The following FHIT variants were observed in gnomAD, a reference collection of about 807,000 sequenced individuals.
FHIT encodes the protein fragile histidine triad diadenosine triphosphatase, also known as bis(5'-adenosyl)-triphosphatase.
A neutral mutation model predicts 17.9 loss-of-function variants in FHIT; 19 were observed. That is an observed-to-expected ratio of 1.06 (90% CI 0.74 to 1.56). The LOEUF is 1.56. Among genes scored for constraint, FHIT ranks in the 40% most tolerant of loss-of-function variants. The pLI, the probability that FHIT is intolerant of heterozygous loss-of-function variation, is 0.00. For missense variants in FHIT, 248 were observed against 189.2 expected, an observed-to-expected ratio of 1.31 and a Z score of -1.82; for synonymous variants, 81 against 69.7, an observed-to-expected ratio of 1.16 and a Z score of -0.81.
chr3:59,766,122 C>CTGTT (rs1215735102), intron 8 of FHIT, among the ~76,000 whole-genome samples: 2 of 152,110 alleles, frequency 1.3e-5, no homozygotes, highest in African/African-American at 2.4e-5. Flanking sequence ...GACTATCATA[C>CTGTT]TGTTAGATGT....
intron 5 of FHIT, among the ~76,000 whole-genome samples, chr3:60,255,948 C>T (rs990589390): frequency 6.6e-6 from 1 of 152,140 alleles, no homozygotes; most frequent in African/African-American, 2.4e-5. Flanking sequence ...GGGATCTCAG[C>T]CCCTAAGTGA....
chr3:60,317,113 T>C (rs1355841369), intron 5 of FHIT, among the ~76,000 whole-genome samples: 4 of 152,180 alleles, frequency 2.6e-5, no homozygotes, highest in East Asian at 3.8e-4. Flanking sequence ...AAGTGAATAA[T>C]GTATTCTTAC....
chr3:60,143,473 T>C (rs1700120468), intron 5 of FHIT, among the ~76,000 whole-genome samples: 1 of 151,978 alleles, frequency 6.6e-6, no homozygotes, highest in Non-Finnish European at 1.5e-5. Flanking sequence ...CTAAGGGAGA[T>C]GAAAAACACA....
intron 7 of FHIT, among the ~76,000 whole-genome samples, chr3:59,951,665 C>T (rs1707123325): frequency 6.6e-6 from 1 of 152,088 alleles, no homozygotes; most frequent in African/African-American, 2.4e-5. Flanking sequence ...TCACACCATA[C>T]CTAAGTTCCA....
chr3:61,179,368 C>T (rs1014550544), intron 2 of FHIT, among the ~76,000 whole-genome samples: 4 of 151,904 alleles, frequency 2.6e-5, no homozygotes, highest in African/African-American at 9.7e-5. Context: ...CAATGTTGAG[C>T]AAAATATGCC....
chr3:59,891,423 G>A (rs915001039), intron 8 of FHIT, among the ~76,000 whole-genome samples: 12 of 152,228 alleles, frequency 7.9e-5, no homozygotes, highest in African/African-American at 2.9e-4. Flanking sequence ...CCATTGCTGG[G>A]TAGAAGAGGA....
chr3:59,802,053 A>C (rs1396962020), intron 8 of FHIT, among the ~76,000 whole-genome samples: 1 of 152,086 alleles, frequency 6.6e-6, no homozygotes, highest in African/African-American at 2.4e-5. Flanking sequence ...TAGTGTATTC[A>C]CCTTGGTGTA....
At chr3:60,583,964 C>G (rs1553660664) in intron 4 of FHIT, among the ~76,000 whole-genome samples, 1 of 152,104 alleles carries the variant, frequency 6.6e-6, no homozygotes, top group Non-Finnish European at 1.5e-5. Context: ...ATTACAGAAT[C>G]TGGAATCTGA....
chr3:60,981,152 G>A (rs1358975097), intron 3 of FHIT, among the ~76,000 whole-genome samples: 1 of 152,220 alleles, frequency 6.6e-6, no homozygotes, highest in East Asian at 1.9e-4. Context: ...ATGCTGGGAT[G>A]TTCCATGCAG....
chr3:60,832,617 C>G (rs573414610), intron 3 of FHIT, among the ~76,000 whole-genome samples: 3 of 151,362 alleles, frequency 2.0e-5, no homozygotes, highest in Non-Finnish European at 4.4e-5. Flanking sequence ...TACGTGGTCA[C>G]AACTATTTTT....
At chr3:61,057,102 A>G (rs1159702233) in intron 2 of FHIT, among the ~76,000 whole-genome samples, 1 of 152,252 alleles carries the variant, frequency 6.6e-6, no homozygotes, top group East Asian at 1.9e-4. Context: ...AACCTTTGAC[A>G]TAACAGACAT....
chr3:60,238,447 C>CAAA (rs374701930), intron 5 of FHIT, among the ~76,000 whole-genome samples: 2,948 of 117,354 alleles, frequency 0.025, 144 homozygotes, highest in Non-Finnish European at 0.031. Flanking sequence ...CTGTACTAAG[C>CAAA]AAAAAAAAAA....
At chr3:60,643,451 A>G (rs186550218) in intron 4 of FHIT, among the ~76,000 whole-genome samples, 2 of 152,332 alleles carry the variant, frequency 1.3e-5, no homozygotes, top group African/African-American at 2.4e-5. Context: ...ACAAAGCAAG[A>G]CTAAGCAAAA....
At chr3:61,078,015 T>A (rs1021845658) in intron 2 of FHIT, among the ~76,000 whole-genome samples, 1 of 152,096 alleles carries the variant, frequency 6.6e-6, no homozygotes, top group Non-Finnish European at 1.5e-5. Flanking sequence ...TTTCTTTAAG[T>A]AGGCACTTTG....
chr3:60,282,645 T>A (rs1246794417), intron 5 of FHIT, among the ~76,000 whole-genome samples: 1 of 152,060 alleles, frequency 6.6e-6, no homozygotes, highest in African/African-American at 2.4e-5. Context: ...AAGGTATTAA[T>A]AGTAGGAGAC....
At chr3:60,222,838 T>C (rs957728913) in intron 5 of FHIT, among the ~76,000 whole-genome samples, 2 of 151,912 alleles carry the variant, frequency 1.3e-5, no homozygotes, top group African/African-American at 4.8e-5. Context: ...GAGGCAGAGG[T>C]TGCAGTGAGA....
intron 4 of FHIT, among the ~76,000 whole-genome samples, chr3:60,789,140 AGATG>A (rs1339816492): frequency 9.0e-6 from 1 of 110,844 alleles, no homozygotes; most frequent in African/African-American, 4.5e-5. Context: ...ATATAGAGAG[AGATG>A]TGTGTGTGTG....
At chr3:59,990,123 C>A (rs910556968) in intron 7 of FHIT, among the ~76,000 whole-genome samples, 1 of 152,070 alleles carries the variant, frequency 6.6e-6, no homozygotes, top group Admixed American at 6.6e-5. Context: ...ATAAATTTAA[C>A]CATGGATGAT....
intron 5 of FHIT, among the ~76,000 whole-genome samples, chr3:60,252,204 C>G (rs1705746177): frequency 1.3e-5 from 2 of 152,076 alleles, no homozygotes; most frequent in Non-Finnish European, 2.9e-5. Context: ...AAAGATGAAT[C>G]AGACGAGAGG....
Sources: gnomAD v4.1 joint callset for allele counts (sites outside exome capture counted in the v4.1 genomes callset) on GRCh38, gnomAD v4.1.1 for gene constraint, MANE v1.5 for transcripts, NCBI Gene and HGNC (gene_info 2026-07-23, HGNC 2026-07-21) for gene names.